The following TENM1 variants were observed in gnomAD, a reference collection of about 807,000 sequenced individuals.
TENM1 encodes teneurin transmembrane protein 1, also known as teneurin-1.
A neutral mutation model predicts 174.8 loss-of-function variants in TENM1; 35 were observed. The observed-to-expected ratio is 0.20, with a 90% CI of 0.15 to 0.27. TENM1 has a LOEUF of 0.27. TENM1 is among the 10% of genes least tolerant of loss of function. TENM1 has a pLI of 1.00. For missense variants in TENM1, 1,633 were observed against 2,130.1 expected (o/e 0.77, Z 4.59); for synonymous variants, 781 against 798.7 (o/e 0.98, Z 0.37).
intron 27 of TENM1, among the ~76,000 whole-genome samples, chrX:124,398,557 C>T (rs1353146799): frequency 8.9e-6 from 1 of 111,789 alleles, no homozygotes. Context: ...TTTCTCTAGA[C>T]ATTTTATTCT....
intron 3 of TENM1, among the ~76,000 whole-genome samples, chrX:124,781,709 G>T (rs1410767666): frequency 4.5e-5 from 5 of 111,314 alleles, no homozygotes; most frequent in African/African-American, 1.6e-4. Flanking sequence ...TATCCCTGAT[G>T]CAAGTGGCTC....
Position 124,481,950 on chromosome X carries a change from T to C in TENM1, c.3731A>G (p.His1244Arg), listed in dbSNP as rs758389253. Residue 1244 changes from histidine to arginine, a missense_variant, in exon 22 of 32, where the codon CAC becomes CGC. His to Arg is a conservative substitution (Grantham distance 29). Around this residue, in one of 4 missense-constraint regions of TENM1, gnomAD observed 72 missense variants for 59.4 expected, o/e 1.21. Transcript: ENST00000422452. ...AGGGTCCATAGCCAGATAGTATTTG[T>C]GAGCAGGACTTGTGCTAAGGAAGAG... 3 of 1,171,199 alleles carry C rather than the reference T, an allele frequency of 2.6e-6. No individual in the cohort carries two copies. The African/African-American group carries it at 5.4e-5, about 21-fold the overall frequency.
the TENM1 span, among the ~76,000 whole-genome samples, chrX:125,049,005 T>C: frequency 1.8e-5 from 2 of 112,058 alleles, no homozygotes; most frequent in African/African-American, 6.5e-5. Context: ...AATATGATCA[T>C]GCATACAAAG....
At chrX:124,672,219 T>C (rs970943867) in intron 5 of TENM1, among the ~76,000 whole-genome samples, 5 of 111,521 alleles carry the variant, frequency 4.5e-5, no homozygotes, top group Non-Finnish European at 7.5e-5. Flanking sequence ...CAGACTACCA[T>C]GAGAACATGG....
intron 11 of TENM1, among the ~76,000 whole-genome samples, chrX:124,623,537 T>G (rs931044524): frequency 1.8e-5 from 2 of 111,426 alleles, no homozygotes; most frequent in Non-Finnish European, 3.8e-5. Context: ...AACCTCAGAA[T>G]AAAATGAGGG....
At chrX:124,427,760 C>T (rs763421233) in intron 23 of TENM1, among the ~76,000 whole-genome samples, 2 of 112,092 alleles carry the variant, frequency 1.8e-5, no homozygotes, top group African/African-American at 6.5e-5. Flanking sequence ...ACTACCAAGA[C>T]ATTTTCATAA....
chrX:124,638,583 G>T (rs1040185595), intron 11 of TENM1, among the ~76,000 whole-genome samples: 1 of 111,128 alleles, frequency 9.0e-6, no homozygotes, highest in Admixed American at 9.5e-5. Flanking sequence ...GTTCTCTAGG[G>T]TTCTGATTTT....
At chrX:124,853,833 T>A (rs918385552) in intron 3 of TENM1, among the ~76,000 whole-genome samples, 5 of 110,375 alleles carry the variant, frequency 4.5e-5, no homozygotes, top group African/African-American at 1.6e-4. Context: ...AGAAGCAGTA[T>A]AATGAAAGAA....
At position 124,389,649 on chromosome X, in the gene TENM1, T is replaced by TA. The variant is rs1383793224; in HGVS notation, c.5688+2402dup. 2.7e-5 allele frequency among the ~76,000 whole-genome samples: 3 copies of TA among 110,672 alleles called. No individual in the cohort carries two copies. In the East Asian group the frequency reaches 8.5e-4, roughly 31 times the overall value. ...TCCCTTCCTTCCTTCTTCCCTCCCTTACTTTCTTCTGCTCTTTCTTGTTTT... is the reference window on the plus strand; with the variant it reads ...TCCCTTCCTTCCTTCTTCCCTCCCTTAACTTTCTTCTGCTCTTTCTTGTTTT... On this transcript the variant is annotated intron_variant, in intron 28 of 31. Coordinates refer to ENST00000422452, the Ensembl canonical transcript of TENM1.
the TENM1 span, among the ~76,000 whole-genome samples, chrX:125,091,763 G>A: frequency 9.1e-6 from 1 of 110,022 alleles, no homozygotes. Flanking sequence ...CGAGGTGGGT[G>A]GATCATGAGG....
Position 124,439,652 on chromosome X carries a change from G to A in TENM1, c.4104+13685C>T, listed in dbSNP as rs185217908. Among the ~76,000 whole-genome samples the A allele has an allele frequency of 1.9e-3, 209 of 111,332 alleles. 1 individual carries two copies. The highest frequency in any genetic ancestry group is 6.4e-3 in the African/African-American group (196 of 30,601). ...TGTAAAAGGTACACCTATGTGAAAA[G>A]GACAGAAAGGAAGATTATATAATTT... On this transcript the variant is annotated intron_variant, in intron 23 of 31. Coordinates refer to ENST00000422452, the Ensembl canonical transcript of TENM1.
chrX:124,941,734 T>G (rs1341380069), intron 1 of TENM1, among the ~76,000 whole-genome samples: 1 of 111,899 alleles, frequency 8.9e-6, no homozygotes, highest in Non-Finnish European at 1.9e-5. Flanking sequence ...ACCATCCTCC[T>G]CTTTAATGAC....
chrX:124,561,233 T>C (rs971352108), intron 14 of TENM1, among the ~76,000 whole-genome samples: 6 of 111,390 alleles, frequency 5.4e-5, no homozygotes, highest in Non-Finnish European at 1.1e-4. Flanking sequence ...ATATGATAAA[T>C]GCCATGGGTA....
At chrX:124,403,129 A>C (rs2060418332) in intron 27 of TENM1, among the ~76,000 whole-genome samples, 1 of 110,873 alleles carries the variant, frequency 9.0e-6, no homozygotes, top group Admixed American at 9.6e-5. Context: ...TACAAATTTC[A>C]GTAGCTTTAT....
chrX:124,391,846 T>C (rs1443983887), intron 28 of TENM1, among the ~76,000 whole-genome samples: 1 of 112,042 alleles, frequency 8.9e-6, no homozygotes, highest in Non-Finnish European at 1.9e-5. Flanking sequence ...GAAAGAGTAC[T>C]TGGCAGAGTC....
chrX:124,606,976 G>T, intron 11 of TENM1, among the ~76,000 whole-genome samples: 1 of 110,019 alleles, frequency 9.1e-6, no homozygotes, highest in East Asian at 2.9e-4. Flanking sequence ...AGGAGGGAGA[G>T]GCAGAAGAGA....
intron 5 of TENM1, among the ~76,000 whole-genome samples, chrX:124,674,547 TA>T (rs1289055973): frequency 9.0e-6 from 1 of 111,249 alleles, no homozygotes; most frequent in Non-Finnish European, 1.9e-5. Flanking sequence ...TTTAAGCATT[TA>T]ACTGGTTTCT....
intron 11 of TENM1, among the ~76,000 whole-genome samples, chrX:124,610,513 A>G (rs2050255646): frequency 9.0e-6 from 1 of 111,256 alleles, no homozygotes; most frequent in African/African-American, 3.3e-5. Flanking sequence ...TGTATTGTCA[A>G]CTCAACTCTT....
the TENM1 span, among the ~76,000 whole-genome samples, chrX:124,998,277 T>C: frequency 9.1e-6 from 1 of 109,392 alleles, no homozygotes; most frequent in Non-Finnish European, 1.9e-5. Context: ...TGCATTGAAA[T>C]TGGATTCAAG....
Sources: allele counts gnomAD v4.1 joint callset (sites outside exome capture counted in the v4.1 genomes callset), GRCh38; gene constraint gnomAD v4.1.1; regional missense constraint gnomAD v4.1.1; transcripts MANE v1.5; gene names NCBI Gene and HGNC (gene_info 2026-07-23, HGNC 2026-07-21).